DGKI: variants seen among roughly 807,000 people sequenced by gnomAD.
DGKI encodes diacylglycerol kinase iota.
In DGKI, 55 loss-of-function variants were observed where a neutral mutation model predicts 147.5. The observed-to-expected ratio is 0.37, with a 90% CI of 0.30 to 0.47. DGKI has a LOEUF of 0.47. DGKI is among the 20% of genes least tolerant of loss of function. The pLI is 1.00. For synonymous variants in DGKI, 469 were observed against 477.1 expected, an observed-to-expected ratio of 0.98 and a Z score of 0.22; for missense variants, 1,007 against 1,323.8, an observed-to-expected ratio of 0.76 and a Z score of 3.71.
chr7:137,791,262 G>T (rs1378728347), intron 1 of DGKI, among the ~76,000 whole-genome samples: 2 of 151,954 alleles, frequency 1.3e-5, no homozygotes, highest in Non-Finnish European at 2.9e-5. Context: ...TGAACTAGAA[G>T]AATACTTATT....
intron 13 of DGKI, 82 bp downstream of exon 13, chr7:137,587,015 C>T (rs540660301): frequency 6.9e-6 from 7 of 1,013,820 alleles, no homozygotes; most frequent in East Asian, 5.5e-5. Flanking sequence ...AGCAGTACCC[C>T]CCTCTTCCAT....
intron 21 of DGKI, among the ~76,000 whole-genome samples, chr7:137,513,585 G>A (rs149790686): frequency 5.5e-4 from 83 of 152,182 alleles, no homozygotes; most frequent in African/African-American, 1.5e-3. Context: ...GAAACATGTC[G>A]TTAGGTGATT....
intron 28 of DGKI, among the ~76,000 whole-genome samples, chr7:137,417,628 T>C (rs1812408579): frequency 6.6e-6 from 1 of 152,198 alleles, no homozygotes; most frequent in Non-Finnish European, 1.5e-5. Flanking sequence ...GCTGCTGTGA[T>C]TTGTATGTTT....
intron 3 of DGKI, among the ~76,000 whole-genome samples, chr7:137,677,338 A>G (rs1428528531): frequency 6.6e-6 from 1 of 152,186 alleles, no homozygotes; most frequent in African/African-American, 2.4e-5. Flanking sequence ...CGAGTTCTCA[A>G]TGTCACACAC....
chr7:137,455,290 G>A (rs1012902277), intron 27 of DGKI, among the ~76,000 whole-genome samples: 4 of 152,070 alleles, frequency 2.6e-5, no homozygotes, highest in Admixed American at 1.3e-4. Flanking sequence ...CTAAGGACAA[G>A]AGAGTTTCTC....
chr7:137,801,515 G>A (rs1442380619), intron 1 of DGKI, among the ~76,000 whole-genome samples: 4 of 152,134 alleles, frequency 2.6e-5, no homozygotes, highest in Non-Finnish European at 5.9e-5. Context: ...ATGTGATTTT[G>A]AAAAATTAAA....
intron 4 of DGKI, among the ~76,000 whole-genome samples, chr7:137,655,875 C>A (rs1351860071): frequency 6.6e-6 from 1 of 152,174 alleles, no homozygotes; most frequent in Non-Finnish European, 1.5e-5. Context: ...ACTATTGGAG[C>A]CTTTCCCATC....
chr7:137,419,826 T>C (rs1812495049), intron 28 of DGKI, among the ~76,000 whole-genome samples: 1 of 152,260 alleles, frequency 6.6e-6, no homozygotes, highest in Non-Finnish European at 1.5e-5. Context: ...TTATTTGTTA[T>C]AATAAAAGTT....
chr7:137,654,134 C>T (rs1822133437), intron 5 of DGKI, among the ~76,000 whole-genome samples: 1 of 152,220 alleles, frequency 6.6e-6, no homozygotes, highest in Non-Finnish European at 1.5e-5. Flanking sequence ...TGTTTATCTT[C>T]ACGACCAGAC....
chr7:137,830,567 G>C (rs1362754499), intron 1 of DGKI, among the ~76,000 whole-genome samples: 2 of 152,216 alleles, frequency 1.3e-5, no homozygotes, highest in Non-Finnish European at 2.9e-5. Flanking sequence ...GGATAACCCA[G>C]TATGCTGTCA....
At chr7:137,486,924 T>C (rs1240632812) in intron 22 of DGKI, among the ~76,000 whole-genome samples, 1 of 152,030 alleles carries the variant, frequency 6.6e-6, no homozygotes, top group African/African-American at 2.4e-5. Flanking sequence ...AAAAAAATGA[T>C]AAAGAAATCG....
chr7:137,466,878 C>T (rs746785102), intron 25 of DGKI, 24 bp downstream of exon 25: 1 of 1,613,530 alleles, frequency 6.2e-7, no homozygotes, highest in East Asian at 2.2e-5. Flanking sequence ...TTCACTTTCA[C>T]AAGCAGGCTG....
intron 28 of DGKI, among the ~76,000 whole-genome samples, chr7:137,436,222 C>T (rs1038116163): frequency 2.0e-5 from 3 of 152,106 alleles, no homozygotes; most frequent in Admixed American, 2.0e-4. Flanking sequence ...GAGATTGGAA[C>T]CCTATTTTCT....
intron 1 of DGKI, among the ~76,000 whole-genome samples, chr7:137,842,195 A>C (rs1203725895): frequency 1.3e-5 from 2 of 152,240 alleles, no homozygotes; most frequent in Non-Finnish European, 2.9e-5. Context: ...ACTGATATTC[A>C]GGAGAAAAGT....
At chr7:137,597,967 G>A in intron 11 of DGKI, 60 bp from the exon 12 acceptor site, 1 of 1,495,298 alleles carries the variant, frequency 6.7e-7, no homozygotes, top group Admixed American at 1.8e-5. Context: ...AGAGCAGAGA[G>A]AAAGCAGAGG....
intron 16 of DGKI, among the ~76,000 whole-genome samples, chr7:137,577,941 A>G (rs995347936): frequency 3.3e-5 from 5 of 152,026 alleles, no homozygotes; most frequent in Non-Finnish European, 5.9e-5. Context: ...AGACATCCTC[A>G]GTCTACACAA....
In DGKI at chr7:137,424,526, G is replaced by C. The variant is rs192233370; in HGVS notation, c.2762-12319C>G. Among the ~76,000 whole-genome samples the C allele has an allele frequency of 4.9e-4, 75 of 152,312 alleles. No homozygotes were observed. The East Asian group carries it at 0.012, about 24-fold the overall frequency. ...GGGTTCATCTCACTAGGGAATGCCA[G>C]ACAGTGGGCACAGGACAGTGGATGC... On this transcript the variant is annotated intron_variant, in intron 28 of 32. Coordinates refer to ENST00000614521, the MANE Select transcript of DGKI (RefSeq NM_001321708.2).
chr7:137,411,585 G>T (rs1364724161), intron 29 of DGKI, among the ~76,000 whole-genome samples: 1 of 152,160 alleles, frequency 6.6e-6, no homozygotes, highest in African/African-American at 2.4e-5. Flanking sequence ...GACAGTGAAT[G>T]GTAGAGCCGA....
chr7:137,743,614 G>A (rs554876375), intron 1 of DGKI, among the ~76,000 whole-genome samples: 47 of 152,122 alleles, frequency 3.1e-4, no homozygotes, highest in African/African-American at 9.6e-4. Flanking sequence ...ATACCAAAAC[G>A]TCTACATCAA....
Sources: gnomAD v4.1 joint callset for allele counts (sites outside exome capture counted in the v4.1 genomes callset) on GRCh38, gnomAD v4.1.1 for gene constraint, MANE v1.5 for transcripts, NCBI Gene and HGNC (gene_info 2026-07-23, HGNC 2026-07-21) for gene names.